The following PLEKHA5 variants were observed in gnomAD, a reference collection of about 807,000 sequenced individuals.
The protein encoded by PLEKHA5 is pleckstrin homology domain containing A5, also known as pleckstrin homology domain-containing family A member 5.
PLEKHA5 carries 55 observed loss-of-function variants against 181.9 expected under a neutral mutation model. The ratio of observed to expected loss-of-function variants is 0.30; its 90% CI spans 0.24 to 0.38. PLEKHA5 has a LOEUF of 0.38. Ranked by LOEUF, PLEKHA5 falls within the 10% of genes least tolerant of loss-of-function variation. PLEKHA5 has a pLI of 1.00. For synonymous variants in PLEKHA5, 535 were observed against 529.4 expected (o/e 1.01, Z -0.15); for missense variants, 1,432 against 1,549.5 (o/e 0.92, Z 1.27).
At chr12:19,351,722 A>C (rs2094603189) in intron 25 of PLEKHA5, among the ~76,000 whole-genome samples, 1 of 152,202 alleles carries the variant, frequency 6.6e-6, no homozygotes, top group South Asian at 2.1e-4. Flanking sequence ...TGTTAGAAAT[A>C]AATCTAAATA....
intron 25 of PLEKHA5, among the ~76,000 whole-genome samples, chr12:19,349,645 G>T (rs979299968): frequency 2.0e-5 from 3 of 151,478 alleles, no homozygotes. Context: ...GGTGGCTAAC[G>T]CCTGTAATCC....
intron 21 of PLEKHA5, among the ~76,000 whole-genome samples, chr12:19,337,846 A>G (rs575072728): frequency 7.2e-5 from 11 of 152,148 alleles, no homozygotes; most frequent in African/African-American, 2.6e-4. Flanking sequence ...AGCCTGGCCA[A>G]GATTGTGAAA....
intron 3 of PLEKHA5, among the ~76,000 whole-genome samples, chr12:19,245,299 T>C (rs1180786056): frequency 6.6e-6 from 1 of 152,200 alleles, no homozygotes; most frequent in Non-Finnish European, 1.5e-5. Context: ...CCTTTTTCCT[T>C]GCTATTATAA....
chr12:19,160,987 T>C (rs1329226674), intron 3 of PLEKHA5, among the ~76,000 whole-genome samples: 2 of 152,182 alleles, frequency 1.3e-5, no homozygotes, highest in Admixed American at 6.5e-5. Context: ...TTTGTTTTCA[T>C]TTTAATCAAA....
chr12:19,300,189 G>T (rs1210844330), intron 15 of PLEKHA5, among the ~76,000 whole-genome samples: 1 of 152,152 alleles, frequency 6.6e-6, no homozygotes, highest in African/African-American at 2.4e-5. Flanking sequence ...AAAATCATAA[G>T]CTAGAGTGAA....
chr12:19,142,349 A>T (rs771675502), intron 3 of PLEKHA5, among the ~76,000 whole-genome samples: 1 of 152,198 alleles, frequency 6.6e-6, no homozygotes, highest in Non-Finnish European at 1.5e-5. Flanking sequence ...AGCCTGGGCA[A>T]CTGAGCGAGA....
At chr12:19,321,782 A>C (rs373130852) in intron 18 of PLEKHA5, 1 of 152,128 alleles carries the variant, frequency 6.6e-6, no homozygotes, top group Non-Finnish European at 1.5e-5. Context: ...TAAAGTCTCA[A>C]ATTTCTTGCT....
At chr12:19,173,164 C>T (rs1190360303) in intron 3 of PLEKHA5, among the ~76,000 whole-genome samples, 2 of 149,710 alleles carry the variant, frequency 1.3e-5, no homozygotes, top group African/African-American at 4.9e-5. Context: ...GCTGGGACTA[C>T]AGGCGCCCGC....
At chr12:19,363,165 C>T (rs2095313873) in intron 29 of PLEKHA5, among the ~76,000 whole-genome samples, 1 of 149,128 alleles carries the variant, frequency 6.7e-6, no homozygotes, top group Non-Finnish European at 1.5e-5. Flanking sequence ...GACAGAGTCT[C>T]GCTCTGTTGC....
chr12:19,273,367 TA>T (rs1404306851), intron 10 of PLEKHA5, among the ~76,000 whole-genome samples: 1 of 152,128 alleles, frequency 6.6e-6, no homozygotes, highest in Admixed American at 6.6e-5. Flanking sequence ...CTTTTTTTTT[TA>T]ATTTTTTTTC....
chr12:19,137,633 G>A (rs1204396895), intron 3 of PLEKHA5, among the ~76,000 whole-genome samples: 1 of 152,156 alleles, frequency 6.6e-6, no homozygotes, highest in East Asian at 1.9e-4. Context: ...CTTCAGCATA[G>A]CATTAAACTC....
chr12:19,270,115 A>C, intron 9 of PLEKHA5, 73 bp from the exon 10 acceptor site: 1 of 887,760 alleles, frequency 1.1e-6, no homozygotes, highest in Non-Finnish European at 1.6e-6. Context: ...TTCTTTATTC[A>C]TTTTCACCTA....
intron 3 of PLEKHA5, among the ~76,000 whole-genome samples, chr12:19,138,541 C>T (rs2036336082): frequency 6.6e-6 from 1 of 150,770 alleles, no homozygotes; most frequent in African/African-American, 2.5e-5. Flanking sequence ...CCACTGCACT[C>T]CAGCCTGGGT....
intron 3 of PLEKHA5, among the ~76,000 whole-genome samples, chr12:19,241,835 A>G (rs1321541753): frequency 6.6e-6 from 1 of 152,176 alleles, no homozygotes; most frequent in East Asian, 1.9e-4. Context: ...GAGTCTTAGA[A>G]CCATATGCGC....
intron 3 of PLEKHA5, among the ~76,000 whole-genome samples, chr12:19,137,553 A>G (rs2036017661): frequency 6.6e-6 from 1 of 152,240 alleles, no homozygotes; most frequent in Admixed American, 6.5e-5. Flanking sequence ...TTTGTAGTGT[A>G]GAGATAAATA....
At chr12:19,306,807 C>T in intron 15 of PLEKHA5, 1 of 829,188 alleles carries the variant, frequency 1.2e-6, no homozygotes. Context: ...AGTTGTCGCA[C>T]CATGTCTGAC....
chr12:19,313,047 C>T (rs368404788), intron 15 of PLEKHA5, among the ~76,000 whole-genome samples: 14 of 152,086 alleles, frequency 9.2e-5, no homozygotes, highest in South Asian at 2.1e-4. Context: ...GATGGGATAA[C>T]GGCTGGTCAG....
chr12:19,366,066 C>G lies in PLEKHA5; in HGVS notation c.3711C>G (p.Tyr1237Ter). The G allele has an allele frequency of 1.2e-6, 2 of 1,611,792 alleles. No homozygotes were observed. Among genetic ancestry groups the G allele is most frequent in the Non-Finnish European group, 1.7e-6 (2 of 1,178,562 alleles). ...AACAGGAAGAAACTGTTATTTCTTA[C>G]GAATCAACTCCTGAGGTTTCTAGAG... ...VDEQEETVIS[Y>*]ESTPEVSRGN... is the part of the protein sequence containing the mutation. The change falls in exon 30 of 32, where the codon TAC (tyrosine) becomes TAG (stop). Residue 1237 changes from tyrosine to a stop codon, truncating the protein, a stop_gained. Transcript: ENST00000429027. LOFTEE classifies it high-confidence loss of function.
At chr12:19,200,212 T>C (rs1290318903) in intron 3 of PLEKHA5, 21 of 705,984 alleles carry the variant, frequency 3.0e-5, no homozygotes, top group Middle Eastern at 4.1e-4. Context: ...CATTACACTT[T>C]CCATGCAGCA....
Sources: gnomAD v4.1 joint callset for allele counts (sites outside exome capture counted in the v4.1 genomes callset) on GRCh38, gnomAD v4.1.1 for gene constraint, MANE v1.5 for transcripts, NCBI Gene and HGNC (gene_info 2026-07-23, HGNC 2026-07-21) for gene names.